ELAVL4: variants seen among roughly 807,000 people sequenced by gnomAD.
The protein encoded by ELAVL4 is ELAV like RNA binding protein 4, also known as ELAV-like protein 4.
Under a neutral mutation model 35.6 loss-of-function variants are expected in ELAVL4, and 1 was observed. The ratio of observed to expected loss-of-function variants is 0.03; its 90% CI spans 0.01 to 0.13. The LOEUF (loss-of-function observed/expected upper bound fraction) is 0.13. Ranked by LOEUF, ELAVL4 falls within the 10% of genes least tolerant of loss-of-function variation. The pLI is 1.00. For synonymous variants in ELAVL4, 156 were observed against 171.0 expected, an observed-to-expected ratio of 0.91 and a Z score of 0.69; for missense variants, 267 against 464.9, an observed-to-expected ratio of 0.57 and a Z score of 3.91.
At chr1:50,134,750 A>T (rs1340169123) in intron 1 of ELAVL4, among the ~76,000 whole-genome samples, 3 of 152,164 alleles carry the variant, frequency 2.0e-5, no homozygotes, top group Non-Finnish European at 4.4e-5. Flanking sequence ...ACGTTCCCTC[A>T]TCTTTATAAT....
At chr1:50,150,308 T>C (rs962132133) in intron 2 of ELAVL4, among the ~76,000 whole-genome samples, 1 of 152,242 alleles carries the variant, frequency 6.6e-6, no homozygotes, top group Non-Finnish European at 1.5e-5. Context: ...TTTGGTTTAA[T>C]TAATATCATT....
chr1:50,195,972 C>T (rs923321931), intron 5 of ELAVL4, among the ~76,000 whole-genome samples, 186 bp downstream of exon 5: 3 of 152,194 alleles, frequency 2.0e-5, no homozygotes, highest in African/African-American at 7.2e-5. Context: ...AGCAGATGCC[C>T]TTCTAAGCCC....
chr1:50,173,260 A>T (rs1388370928), intron 2 of ELAVL4, among the ~76,000 whole-genome samples: 1 of 152,244 alleles, frequency 6.6e-6, no homozygotes, highest in Non-Finnish European at 1.5e-5. Context: ...ATGTCATAGT[A>T]GGAGGAGACA....
At chr1:50,182,518 C>A (rs1681207322) in intron 3 of ELAVL4, among the ~76,000 whole-genome samples, 1 of 152,166 alleles carries the variant, frequency 6.6e-6, no homozygotes, top group Non-Finnish European at 1.5e-5. Flanking sequence ...AGTCATGGGG[C>A]TGCAGAGGTT....
At chr1:50,184,023 A>G (rs1681450547) in intron 3 of ELAVL4, among the ~76,000 whole-genome samples, 1 of 152,148 alleles carries the variant, frequency 6.6e-6, no homozygotes, top group Non-Finnish European at 1.5e-5. Flanking sequence ...GCCAAGAGAG[A>G]GCACGTGGCA....
chr1:50,194,887 G>C (rs1340968871), intron 4 of ELAVL4, among the ~76,000 whole-genome samples: 2 of 152,184 alleles, frequency 1.3e-5, no homozygotes, highest in African/African-American at 4.8e-5. Context: ...ATATCCCAAG[G>C]CATGGAATCG....
chr1:50,188,183 GGTCGGCT>G (rs1682121047), intron 3 of ELAVL4, among the ~76,000 whole-genome samples: 1 of 152,176 alleles, frequency 6.6e-6, no homozygotes, highest in Admixed American at 6.5e-5. Flanking sequence ...TACATTGAAT[GGTCGGCT>G]GTCTTGGATC....
At chr1:50,165,437 T>TATATAG (rs201357854) in intron 2 of ELAVL4, among the ~76,000 whole-genome samples, 4 of 150,358 alleles carry the variant, frequency 2.7e-5, no homozygotes, top group South Asian at 2.1e-4. Flanking sequence ...GATATATATA[T>TATATAG]ATATAGATAT....
chr1:50,152,308 G>A (rs570981053), intron 2 of ELAVL4, among the ~76,000 whole-genome samples: 1 of 152,228 alleles, frequency 6.6e-6, no homozygotes, highest in South Asian at 2.1e-4. Flanking sequence ...CCTAGGATGT[G>A]AATCAGGCTG....
At chr1:50,181,479 A>C (rs982946875) in intron 3 of ELAVL4, among the ~76,000 whole-genome samples, 3 of 152,160 alleles carry the variant, frequency 2.0e-5, no homozygotes, top group African/African-American at 4.8e-5. Context: ...CATCCATGTG[A>C]GTCAGAGAGC....
At chr1:50,092,388 A>C (rs997500442) in intron 1 of ELAVL4, among the ~76,000 whole-genome samples, 1 of 152,216 alleles carries the variant, frequency 6.6e-6, no homozygotes, top group Non-Finnish European at 1.5e-5. Flanking sequence ...TGGCCTATGC[A>C]GGGATGTTCT....
chr1:50,095,308 G>C (rs1251647584), intron 1 of ELAVL4, among the ~76,000 whole-genome samples: 1 of 152,028 alleles, frequency 6.6e-6, no homozygotes, highest in Non-Finnish European at 1.5e-5. Flanking sequence ...GCGTGGGTGT[G>C]GGGTAGGCAT....
At chr1:50,172,314 T>A (rs1185021143) in intron 2 of ELAVL4, among the ~76,000 whole-genome samples, 2 of 152,158 alleles carry the variant, frequency 1.3e-5, no homozygotes, top group East Asian at 3.8e-4. Flanking sequence ...ATAACAAAAA[T>A]GCTTAACACA....
chr1:50,099,031 C>T (rs185169674), upstream of ELAVL4, among the ~76,000 whole-genome samples: 342 of 152,282 alleles, frequency 2.2e-3, no homozygotes, highest in African/African-American at 7.9e-3. Flanking sequence ...TATAATAAGT[C>T]AGCATTGAGG....
At position 50,189,828 on chromosome 1, in the gene ELAVL4, T is replaced by C. The variant is rs146245552; in HGVS notation, c.355-3937T>C. Among the ~76,000 whole-genome samples the C allele has an allele frequency of 7.9e-5, 12 of 152,338 alleles. No individual in the cohort carries two copies. The East Asian group carries it at 2.1e-3, about 27-fold the overall frequency. Reference sequence around the variant, plus strand: ...TTGACCCCCTTTTTACGAGCAAAGATGTTGAGACTTATCAAGATCAAATTA... The same window carrying C: ...TTGACCCCCTTTTTACGAGCAAAGACGTTGAGACTTATCAAGATCAAATTA... On this transcript the variant is annotated intron_variant, in intron 3 of 6. Coordinates refer to ENST00000371824, the MANE Select transcript of ELAVL4 (RefSeq NM_001144774.3).
chr1:50,076,180 G>A (rs1389930483), intron 1 of ELAVL4, among the ~76,000 whole-genome samples: 1 of 152,172 alleles, frequency 6.6e-6, no homozygotes, highest in Non-Finnish European at 1.5e-5. Context: ...TCAAGGAGCA[G>A]CTGTATATGT....
chr1:50,194,359 C>G (rs1419600905), intron 4 of ELAVL4, among the ~76,000 whole-genome samples: 1 of 152,196 alleles, frequency 6.6e-6, no homozygotes, highest in African/African-American at 2.4e-5. Flanking sequence ...AGTGGGGGAT[C>G]TGACTCCCCA....
At chr1:50,054,317 G>A (rs578069928) in intron 1 of ELAVL4, among the ~76,000 whole-genome samples, 1 of 152,294 alleles carries the variant, frequency 6.6e-6, no homozygotes, top group Middle Eastern at 3.4e-3. Flanking sequence ...AGGGAGGAAG[G>A]CAGGAAAACA....
chr1:50,174,249 G>A (rs1679571113), intron 2 of ELAVL4: 1 of 152,196 alleles, frequency 6.6e-6, no homozygotes. Context: ...GAACTCCTAT[G>A]ATGGTGAGAA....
Sources: gnomAD v4.1 joint callset for allele counts (sites outside exome capture counted in the v4.1 genomes callset) on GRCh38, gnomAD v4.1.1 for gene constraint, MANE v1.5 for transcripts, NCBI Gene and HGNC (gene_info 2026-07-23, HGNC 2026-07-21) for gene names.